ZNRF3: variants seen among roughly 807,000 people sequenced by gnomAD.
ZNRF3 encodes the protein zinc and ring finger 3.
A neutral mutation model predicts 72.5 loss-of-function variants in ZNRF3; 23 were observed. The ratio of observed to expected loss-of-function variants is 0.32; its 90% confidence interval spans 0.23 to 0.45. The LOEUF (loss-of-function observed/expected upper bound fraction) is 0.45, where lower values mean the gene tolerates loss of function less well. ZNRF3 is among the 20% of genes least tolerant of loss of function. The pLI, the probability that ZNRF3 is intolerant of heterozygous loss-of-function variation, is 1.00. For synonymous variants in ZNRF3, 610 were observed against 545.3 expected (o/e 1.12, Z -1.65); for missense variants, 1,169 against 1,272.1 (o/e 0.92, Z 1.23).
intron 1 of ZNRF3, among the ~76,000 whole-genome samples, chr22:28,888,153 G>A (rs2033824188): frequency 6.6e-6 from 1 of 152,166 alleles, no homozygotes; most frequent in Non-Finnish European, 1.5e-5. Context: ...TTAGCTATTA[G>A]GGGTGGGTAG....
At chr22:28,986,612 T>C in intron 1 of ZNRF3, 3 of 985,332 alleles carry the variant, frequency 3.0e-6, no homozygotes, top group Non-Finnish European at 3.6e-6. Flanking sequence ...CTGCATAGAG[T>C]CCGGGATGTG....
intron 2 of ZNRF3, among the ~76,000 whole-genome samples, chr22:29,007,752 CT>C (rs943507617): frequency 0.067 from 2,917 of 43,552 alleles, 131 homozygotes; most frequent in African/African-American, 0.13. Context: ...CCATTTCTTC[CT>C]TTTTTTTTTT....
intron 2 of ZNRF3, among the ~76,000 whole-genome samples, chr22:29,011,721 CA>C (rs1183553514): frequency 1.3e-5 from 2 of 152,220 alleles, no homozygotes; most frequent in African/African-American, 2.4e-5. Context: ...ACCGAGGAAC[CA>C]ACCTGCTGGG....
Position 29,054,544 on chromosome 22 carries a change from C to G in ZNRF3, c.*922C>G, listed in dbSNP as rs929657817. On this transcript the variant is annotated 3_prime_UTR_variant, in exon 9 of 9. Coordinates refer to ENST00000544604, the MANE Select transcript of ZNRF3 (RefSeq NM_001206998.2). ...GAGGAGGTTGTCCCCTTTGGTTGTC[C>G]TGGCTTTGGAGTCCTTTGCAAAAAT... 2.0e-5 allele frequency: 3 copies of G among 152,800 alleles called. No homozygotes were observed. The highest frequency in any genetic ancestry group is 4.4e-5 in the Non-Finnish European group (3 of 68,176). The allele number at this position is 152,800 out of a possible 1,614,324, so 9.5% of individuals were successfully genotyped here. A position where few individuals can be genotyped will look rare whatever the true frequency, so the allele number is the denominator to read the frequency against.
chr22:29,046,958 G>A (rs1163724852), intron 6 of ZNRF3, 75 bp downstream of exon 6: 1 of 1,343,324 alleles, frequency 7.4e-7, no homozygotes, highest in African/African-American at 1.5e-5. Flanking sequence ...GACCTAGAAG[G>A]ACAGGGCCCT....
At chr22:29,010,037 G>T (rs1242333250) in intron 2 of ZNRF3, among the ~76,000 whole-genome samples, 5 of 151,672 alleles carry the variant, frequency 3.3e-5, no homozygotes, top group Non-Finnish European at 7.4e-5. Context: ...CTCCCGAGTA[G>T]CTGGGACTAC....
At position 28,983,876 on chromosome 22, in the gene ZNRF3, A is replaced by T. The variant is rs528453943; in HGVS notation, c.301-3200A>T. 7.9e-5 allele frequency among the ~76,000 whole-genome samples: 12 copies of T among 152,326 alleles called. No individual in the cohort carries two copies. The South Asian group carries it at 2.5e-3, about 32-fold the overall frequency. On this transcript the variant is annotated intron_variant, in intron 1 of 8. Coordinates refer to ENST00000544604, the MANE Select transcript of ZNRF3 (RefSeq NM_001206998.2). ...GCCACTGCAGAGCTTTAATTCACACATGTAGATCCTGAGTCCCTGTGAAGA... is the reference window on the plus strand; with the variant it reads ...GCCACTGCAGAGCTTTAATTCACACTTGTAGATCCTGAGTCCCTGTGAAGA...
intron 1 of ZNRF3, among the ~76,000 whole-genome samples, chr22:28,954,280 G>A (rs181360532): frequency 6.6e-6 from 1 of 152,276 alleles, no homozygotes; most frequent in African/African-American, 2.4e-5. Flanking sequence ...TCTGGTGAGG[G>A]CCCTCTTCCT....
chr22:28,885,300 C>T (rs2033760011), intron 1 of ZNRF3, among the ~76,000 whole-genome samples: 1 of 152,096 alleles, frequency 6.6e-6, no homozygotes, highest in Non-Finnish European at 1.5e-5. Context: ...GAGGAGGTAC[C>T]CAGGCCCATG....
Position 29,053,789 on chromosome 22 carries a change from A to C in ZNRF3, c.*167A>C. ...CAAAATGTGAGCCCCCTGTGGCAAAACCACCCCCTACCCCATTAACAAATC... is the reference window on the plus strand; with the variant it reads ...CAAAATGTGAGCCCCCTGTGGCAAACCCACCCCCTACCCCATTAACAAATC... On this transcript the variant is annotated 3_prime_UTR_variant, in exon 9 of 9. Coordinates refer to ENST00000544604, the MANE Select transcript of ZNRF3 (RefSeq NM_001206998.2). 1 of 583,280 alleles carries C rather than the reference A, an allele frequency of 1.7e-6. No homozygotes were observed. The highest frequency in any genetic ancestry group is 1.9e-5 in the African/African-American group (1 of 53,514). The allele number at this position is 583,280 out of a possible 1,614,324, so 36.1% of individuals were successfully genotyped here. A position where few individuals can be genotyped will look rare whatever the true frequency, so the allele number is the denominator to read the frequency against.
At chr22:29,043,160 G>T in intron 3 of ZNRF3, 139 bp from the exon 4 acceptor site, 1 of 930,150 alleles carries the variant, frequency 1.1e-6, no homozygotes. Context: ...GCTCTTCTGG[G>T]AGCTCCAAGG....
At chr22:28,885,385 A>C (rs549848159) in intron 1 of ZNRF3, among the ~76,000 whole-genome samples, 66 of 152,250 alleles carry the variant, frequency 4.3e-4, no homozygotes, top group Admixed American at 1.3e-3. Flanking sequence ...TAGAAGAGGA[A>C]ACTCCTTCAT....
chr22:28,938,121 C>T (rs889536107), intron 1 of ZNRF3, among the ~76,000 whole-genome samples: 3 of 152,134 alleles, frequency 2.0e-5, no homozygotes, highest in Non-Finnish European at 4.4e-5. Flanking sequence ...CAGAGTGCCT[C>T]TTCACTCCTA....
At chr22:28,902,770 G>T (rs1402444178) in intron 1 of ZNRF3, among the ~76,000 whole-genome samples, 4 of 152,148 alleles carry the variant, frequency 2.6e-5, no homozygotes, top group Non-Finnish European at 5.9e-5. Context: ...TTGTTATGAG[G>T]ATTACATGAG....
At chr22:28,993,775 C>T (rs1204503170) in intron 2 of ZNRF3, among the ~76,000 whole-genome samples, 6 of 152,312 alleles carry the variant, frequency 3.9e-5, no homozygotes, top group Middle Eastern at 3.4e-3. Flanking sequence ...CTCAAACTCC[C>T]GGGCTCAAGT....
At chr22:28,919,682 T>G (rs2034475063) in intron 1 of ZNRF3, among the ~76,000 whole-genome samples, 1 of 151,496 alleles carries the variant, frequency 6.6e-6, no homozygotes, top group Non-Finnish European at 1.5e-5. Flanking sequence ...AATTTTTGTA[T>G]TTTTAGTAGA....
chr22:28,892,730 C>T (rs533020802), intron 1 of ZNRF3, among the ~76,000 whole-genome samples: 39 of 152,064 alleles, frequency 2.6e-4, no homozygotes, highest in Non-Finnish European at 4.7e-4. Flanking sequence ...TCCTCCTCTC[C>T]CCAGCAGCCA....
intron 2 of ZNRF3, among the ~76,000 whole-genome samples, chr22:28,988,647 G>A (rs2035899231): frequency 6.6e-6 from 1 of 152,146 alleles, no homozygotes; most frequent in African/African-American, 2.4e-5. Flanking sequence ...GCTTAGTGGT[G>A]GTAGGAGAGC....
intron 2 of ZNRF3, among the ~76,000 whole-genome samples, chr22:29,020,760 TTTTTGTGTGTGTGTGG>T (rs1218905893): frequency 2.2e-4 from 12 of 53,940 alleles, no homozygotes; most frequent in African/African-American, 4.1e-4. Context: ...AGGGGCTTTG[TTTTTGTGTGTGTGTGG>T]GTGTGTGTGT....
Sources: gnomAD v4.1 joint callset for allele counts (sites outside exome capture counted in the v4.1 genomes callset) on GRCh38, gnomAD v4.1.1 for gene constraint, MANE v1.5 for transcripts, NCBI Gene and HGNC (gene_info 2026-07-23, HGNC 2026-07-21) for gene names.